POLM: variants seen among roughly 807,000 people sequenced by gnomAD.
POLM encodes DNA polymerase mu.
POLM carries 52 observed loss-of-function variants against 56.7 expected under a neutral mutation model. The ratio of observed to expected loss-of-function variants is 0.92; its 90% CI spans 0.73 to 1.15. The LOEUF (loss-of-function observed/expected upper bound fraction) is 1.15. Ranked by LOEUF, POLM falls within the 50% of genes most tolerant of loss-of-function variation. The probability of loss-of-function intolerance (pLI) is 0.00; values close to 1 mark genes in which losing one functional copy is unlikely to be tolerated. For missense variants in POLM, 660 were observed against 663.6 expected, an observed-to-expected ratio of 0.99 and a Z score of 0.06; for synonymous variants, 273 against 274.3, an observed-to-expected ratio of 1.00 and a Z score of 0.05.
intron 2 of POLM, 126 bp downstream of exon 2, chr7:44,080,607 G>C: frequency 1.9e-6 from 2 of 1,049,688 alleles, no homozygotes; most frequent in Non-Finnish European, 2.9e-6. Flanking sequence ...TCTGGGTAGA[G>C]TCTTCACTGC....
At position 44,082,227 on chromosome 7, in the gene POLM, TCGCCG is replaced by T. The variant is rs533717001; in HGVS notation, c.188+19_188+23del. 1.2e-5 allele frequency: 17 copies of T among 1,426,442 alleles called. No homozygotes were observed. In the Admixed American group the frequency reaches 1.6e-4, roughly 14 times the overall value. 88.4% of individuals were successfully genotyped at this position (1,426,442 alleles called of 1,614,324 possible). On this transcript the variant is annotated intron_variant, in intron 1 of 10. Transcript: ENST00000242248. ...AAAACCAGAAGTGCCATGGAAGCCC[TCGCCG>T]CGCCGCGCCGCCCCGCACCTGCAGG...
intron 6 of POLM, among the ~76,000 whole-genome samples, chr7:44,075,476 G>T (rs1444434809): frequency 2.0e-5 from 3 of 151,022 alleles, no homozygotes; most frequent in Non-Finnish European, 4.5e-5. Flanking sequence ...CAGCTCTGCG[G>T]GTCTCACCTC....
chr7:44,076,681 G>A (rs574645234), intron 5 of POLM, 52 bp from the exon 6 acceptor site: 94 of 1,605,692 alleles, frequency 5.9e-5, no homozygotes, highest in African/African-American at 3.9e-4. Context: ...GGCTAGACTC[G>A]GATGATCACC....
intron 1 of POLM, 43 bp downstream of exon 1, chr7:44,082,208 A>G: frequency 7.1e-7 from 1 of 1,403,892 alleles, no homozygotes; most frequent in Non-Finnish European, 9.2e-7. Flanking sequence ...ATCCAAAACC[A>G]GAAGTGCCAT....
At chr7:44,079,530 C>A in intron 4 of POLM, 41 bp downstream of exon 4, 1 of 1,488,330 alleles carries the variant, frequency 6.7e-7, no homozygotes, top group Non-Finnish European at 9.3e-7. Flanking sequence ...CCAAGGCCTC[C>A]CCACCCACCC....
Position 44,080,069 on chromosome 7 carries a change from C to A in POLM, c.373-110G>T. On this transcript the variant is annotated intron_variant, in intron 2 of 10. Coordinates refer to ENST00000242248, the MANE Select transcript of POLM (RefSeq NM_013284.4). ...GGTGTCCAACTCGGGCCCTCTGGAGCTCATGGGACAGAGGTGGGCAACAAA... is the reference window on the plus strand; with the variant it reads ...GGTGTCCAACTCGGGCCCTCTGGAGATCATGGGACAGAGGTGGGCAACAAA... 2.2e-5 allele frequency: 17 copies of A among 763,696 alleles called. 1 individual carries two copies. The South Asian group carries it at 2.5e-4, about 11-fold the overall frequency. 47.3% of individuals were successfully genotyped at this position (763,696 alleles called of 1,614,324 possible). A position where few individuals can be genotyped will look rare whatever the true frequency, so the allele number is the denominator to read the frequency against.
At position 44,073,652 on chromosome 7, in the gene POLM, G is replaced by C; in HGVS notation, c.1371C>G (p.Asn457Lys). Reference protein sequence around the residue: ...FSRKEKGLWLNSHGLFDPEQK... With the variant: ...FSRKEKGLWLKSHGLFDPEQK... The stretch of plus-strand genomic sequence containing the variant: ...GCTCCGGGTCAAACAGCCCATGGCT[G>C]TTCAGCCACAGGCCCTTCTCCTTCC... The change falls in exon 10 of 11, where the codon AAC becomes AAG. Residue 457 changes from asparagine (N) to lysine (K), a missense_variant. Transcript: ENST00000242248. 1 of 1,614,162 alleles carries C rather than the reference G, an allele frequency of 6.2e-7. No homozygotes were observed. The highest frequency in any genetic ancestry group is 8.5e-7 in the Non-Finnish European group (1 of 1,180,020).
chr7:44,076,903 C>G (rs1714203127), intron 5 of POLM: 2 of 400,404 alleles, frequency 5.0e-6, no homozygotes, highest in African/African-American at 4.0e-5. Flanking sequence ...ATAATCAAAA[C>G]AGTCACCCTA....
intron 2 of POLM, 42 bp downstream of exon 2, chr7:44,080,691 G>T (rs2096197169): frequency 6.3e-7 from 1 of 1,588,470 alleles, no homozygotes; most frequent in East Asian, 2.2e-5. Flanking sequence ...CTACACTGGG[G>T]CTTTCACTGT....
chr7:44,072,860 AT>A lies in POLM; in HGVS notation c.*430del, dbSNP rs2096172150. On this transcript the variant is annotated 3_prime_UTR_variant, in exon 11 of 11. Transcript: ENST00000242248. ...GCTCTCAAATGCAGTGCAGGTATGC[AT>A]GGTTCTCTTCTGGGCATTCTGGGCA... 4.4e-6 allele frequency: 2 copies of A among 449,532 alleles called. No individual in the cohort carries two copies. The highest frequency in any genetic ancestry group is 6.3e-5 in the East Asian group (2 of 31,664). 27.8% of individuals were successfully genotyped at this position (449,532 alleles called of 1,614,324 possible).
At position 44,079,648 on chromosome 7, in the gene POLM, G is replaced by A. The variant is rs368263117; in HGVS notation, c.565C>T (p.Leu189Phe). The A allele has an allele frequency of 9.3e-6, 15 of 1,613,710 alleles. No homozygotes were observed. The highest frequency in any genetic ancestry group is 3.3e-5 in the Admixed American group (2 of 59,980). ...CTCAGGGTTGTGACAGGGCTGGGAAGGGCCTTGAGCACCGAGGCTGCTCTG... is the reference window on the plus strand; with the variant it reads ...CTCAGGGTTGTGACAGGGCTGGGAAAGGCCTTGAGCACCGAGGCTGCTCTG... Reference protein sequence around the residue: ...FCRAASVLKALPSPVTTLSQL... With the variant: ...FCRAASVLKAFPSPVTTLSQL... Residue 189 changes from leucine to phenylalanine, a missense_variant, in exon 4 of 11, where the codon CTT (leucine) becomes TTT (phenylalanine). Transcript: ENST00000242248.
chr7:44,074,042 G>T lies in POLM; in HGVS notation c.1072-17C>A. 3.1e-6 allele frequency: 5 copies of T among 1,611,536 alleles called. No homozygotes were observed. In the South Asian group the frequency reaches 5.5e-5, roughly 18 times the overall value. On this transcript the variant is annotated splice_polypyrimidine_tract_variant and intron_variant, in intron 8 of 10. Transcript: ENST00000242248. ...GATGAGGCCCTGTGGGGAGAGGCGG[G>T]CGTGGCTGAGACCATCCGGTGGTGT...
intron 4 of POLM, 103 bp downstream of exon 4, chr7:44,079,468 G>A (rs1043283169): frequency 8.2e-6 from 9 of 1,098,140 alleles, no homozygotes; most frequent in Non-Finnish European, 1.1e-5. Context: ...CAGCACCCAC[G>A]ACTGTCTGTC....
At position 44,073,689 on chromosome 7, in the gene POLM, C is replaced by G. The variant is rs149386595; in HGVS notation, c.1334G>C (p.Arg445Pro). ...TGSKLFQREL[R>P]RFSRKEKGLW... Reference sequence around the variant, plus strand: ...GCCCTTCTCCTTCCGGCTGAAGCGGCGCAGCTCCCGCTGGAAAAGCTGTAG... The same window carrying G: ...GCCCTTCTCCTTCCGGCTGAAGCGGGGCAGCTCCCGCTGGAAAAGCTGTAG... The change falls in exon 10 of 11, where the codon CGC (arginine) becomes CCC (proline). Residue 445 changes from arginine to proline, a missense_variant. By Grantham distance (103) the Arg-to-Pro change is moderately radical (BLOSUM62 -2). Coordinates refer to ENST00000242248, the MANE Select transcript of POLM (RefSeq NM_013284.4). 1.2e-6 allele frequency: 2 copies of G among 1,614,144 alleles called. No individual in the cohort carries two copies. Among genetic ancestry groups the G allele is most frequent in the Non-Finnish European group, 1.7e-6 (2 of 1,180,008 alleles).
At chr7:44,082,157 G>T in intron 1 of POLM, 94 bp downstream of exon 1, 1 of 1,085,814 alleles carries the variant, frequency 9.2e-7, no homozygotes, top group Non-Finnish European at 1.2e-6. Flanking sequence ...GGAGGCTCAG[G>T]GAAAGGTCAC....
intron 6 of POLM, among the ~76,000 whole-genome samples, chr7:44,075,066 T>G (rs984637812): frequency 1.3e-5 from 2 of 152,188 alleles, no homozygotes; most frequent in African/African-American, 2.4e-5. Context: ...ATTTATTTAT[T>G]TGAGATGGAG....
At position 44,082,433 on chromosome 7, in the gene POLM, G is replaced by A; in HGVS notation, c.6C>T (p.Leu2=). 7.0e-7 allele frequency: 1 copy of A among 1,435,594 alleles called. No homozygotes were observed. Among genetic ancestry groups the A allele is most frequent in the Non-Finnish European group, 9.1e-7 (1 of 1,100,710 alleles). The allele number at this position is 1,435,594 out of a possible 1,614,324, so 88.9% of individuals were successfully genotyped here. A position where few individuals can be genotyped will look rare whatever the true frequency, so the allele number is the denominator to read the frequency against. ...CGACCCGCGCTCGCCGCCGTTTGGGGAGCATTGGGACGACAGCCTCCAGCA... is the reference window on the plus strand; with the variant it reads ...CGACCCGCGCTCGCCGCCGTTTGGGAAGCATTGGGACGACAGCCTCCAGCA... M[L]PKRRRARVGS... The change falls in exon 1 of 11, where the codon CTC becomes CTT. Residue 2 remains leucine (L), a synonymous_variant. Coordinates refer to ENST00000242248, the MANE Select transcript of POLM (RefSeq NM_013284.4).
intron 6 of POLM, chr7:44,075,853 C>G (rs991393750): frequency 6.6e-6 from 1 of 152,160 alleles, no homozygotes; most frequent in African/African-American, 2.4e-5. Flanking sequence ...ATCCTTGTAC[C>G]TCGGCCTCAT....
chr7:44,079,533 A>AAACC, intron 4 of POLM, 38 bp downstream of exon 4: 4 of 768,084 alleles, frequency 5.2e-6, no homozygotes, highest in East Asian at 3.6e-5. Context: ...AGGCCTCCCC[A>AAACC]CCCACCCACT....
Sources: gnomAD v4.1 joint callset for allele counts (sites outside exome capture counted in the v4.1 genomes callset) on GRCh38, gnomAD v4.1.1 for gene constraint, MANE v1.5 for transcripts, NCBI Gene and HGNC (gene_info 2026-07-23, HGNC 2026-07-21) for gene names.